Variants in POLE observed in about 807,000 individuals in gnomAD.
POLE encodes the protein DNA polymerase epsilon catalytic subunit A.
A neutral mutation model predicts 279.2 loss-of-function variants in POLE; 188 were observed. The observed-to-expected ratio is 0.67, with a 90% CI of 0.60 to 0.76. The LOEUF is 0.76. Ranked by LOEUF, POLE falls within the 30% of genes least tolerant of loss-of-function variation. POLE has a pLI of 0.00. For missense variants in POLE, 2,703 were observed against 3,016.7 expected (o/e 0.90, Z 2.44); for synonymous variants, 1,214 against 1,172.5 (o/e 1.04, Z -0.72).
Position 132,654,939 on chromosome 12 carries a change from T to C in POLE, c.3582+2197A>G, listed in dbSNP as rs545029166. On this transcript the variant is annotated intron_variant, in intron 29 of 48. Transcript: ENST00000320574. Reference sequence around the variant, plus strand: ...TGGGTTCTCCCTGTGTTGCCCAGGCTGGGGTGAAGTGCCTATTCACAGGTG... The same window carrying C: ...TGGGTTCTCCCTGTGTTGCCCAGGCCGGGGTGAAGTGCCTATTCACAGGTG... 5.3e-5 allele frequency among the ~76,000 whole-genome samples: 8 copies of C among 152,346 alleles called. No homozygotes were observed. In the East Asian group the frequency reaches 1.5e-3, roughly 29 times the overall value.
At chr12:132,672,157 T>C in intron 16 of POLE, 58 bp downstream of exon 16, 7 of 1,154,684 alleles carry the variant, frequency 6.1e-6, no homozygotes, top group Non-Finnish European at 7.9e-6. Context: ...CTGAAAGACG[T>C]GGTCTGTGAA....
intron 40 of POLE, chr12:132,638,354 T>G: frequency 2.8e-6 from 1 of 358,234 alleles, no homozygotes; most frequent in Admixed American, 4.5e-5. Flanking sequence ...CAGGAAAAAA[T>G]TAGCAAATTC....
At chr12:132,627,617 ATACTG>A (rs1481056317) in intron 45 of POLE, among the ~76,000 whole-genome samples, 1 of 152,250 alleles carries the variant, frequency 6.6e-6, no homozygotes, top group Non-Finnish European at 1.5e-5. Context: ...GGTTTACCCT[ATACTG>A]TAGTCTATTA....
At chr12:132,644,224 T>C (rs2042223759) in intron 32 of POLE, among the ~76,000 whole-genome samples, 1 of 151,982 alleles carries the variant, frequency 6.6e-6, no homozygotes, top group South Asian at 2.1e-4. Context: ...TGCAGCAGTG[T>C]GATCACAGCT....
chr12:132,664,882 T>G lies in POLE; in HGVS notation c.2468+420A>C, dbSNP rs1438274451. Among the ~76,000 whole-genome samples the G allele has an allele frequency of 2.0e-5, 3 of 151,812 alleles. No homozygotes were observed. The highest frequency in any genetic ancestry group is 2.9e-5 in the Non-Finnish European group (2 of 67,950). ...CCTGGGTCCCAGCCCTGCTGTCAGC[T>G]GTCCCACCCTCCCCTCCCGGCACCA... On this transcript the variant is annotated intron_variant, in intron 21 of 48. Transcript: ENST00000320574. The surrounding 1 kb of genome is among the most constrained non-coding windows in gnomAD (Gnocchi z 5.3).
intron 32 of POLE, among the ~76,000 whole-genome samples, chr12:132,644,662 A>T (rs1314741139): frequency 1.3e-5 from 2 of 151,678 alleles, no homozygotes; most frequent in Non-Finnish European, 2.9e-5. Flanking sequence ...GGGGAGCCAG[A>T]GTGTGTGTGT....
rs1555231426 is a variant in POLE at position 132,687,286 on chromosome 12, G to GCGCCGCCGCC, written c.20_29dup (p.Asp12AlafsTer15). 6.7e-7 allele frequency: 1 copy of GCGCCGCCGCC among 1,502,644 alleles called. No individual in the cohort carries two copies. 93.1% of individuals were successfully genotyped at this position (1,502,644 alleles called of 1,614,324 possible). A position where few individuals can be genotyped will look rare whatever the true frequency, so the allele number is the denominator to read the frequency against. ...CCTCGCCATCCGCGCCTGGGTCCGC[G>GCGCCGCCGCC]CGCCGCCGCCCGCCGCTCCTCAGAG... On this transcript the variant is annotated frameshift_variant, in exon 1 of 49. Coordinates refer to ENST00000320574, the MANE Select transcript of POLE (RefSeq NM_006231.4). LOFTEE classifies it high-confidence loss of function.
In POLE at chr12:132,643,510, G is replaced by A. The variant is rs878854870; in HGVS notation, c.4341C>T (p.Val1447=). The A allele has an allele frequency of 1.9e-6, 3 of 1,614,154 alleles. No individual in the cohort carries two copies. Among genetic ancestry groups the A allele is most frequent in the Non-Finnish European group, 1.7e-6 (2 of 1,180,018 alleles). ...ALVHLGCVCV[V]NKQLVRHLSG... ...AAAGGTGCCTCACCAGCTGTTTATT[G>A]ACCACACACACACAGCCCAGGTGCA... Residue 1447 remains valine (V), a synonymous_variant, in exon 34 of 49, where the codon GTC becomes GTT. Transcript: ENST00000320574.
intron 2 of POLE, 143 bp downstream of exon 2, chr12:132,680,995 A>G: frequency 1.0e-6 from 1 of 963,232 alleles, no homozygotes; most frequent in South Asian, 1.7e-5. Context: ...GTTAAAGAGG[A>G]AAGGAGAGCT....
rs2136012348 is a variant in POLE at position 132,675,836 on chromosome 12, A to T, written c.1021-16T>A. Reference sequence around the variant, plus strand: ...TCAGATGAGCCTGAACCCAAGTCACAGCAGTCAGAGGTCTGCTCTTTCTCT... The same window carrying T: ...TCAGATGAGCCTGAACCCAAGTCACTGCAGTCAGAGGTCTGCTCTTTCTCT... On this transcript the variant is annotated splice_polypyrimidine_tract_variant and intron_variant, in intron 10 of 48. Coordinates refer to ENST00000320574, the MANE Select transcript of POLE (RefSeq NM_006231.4). This position sits in a 1 kb window ranked among gnomAD's most constrained non-coding sequence, Gnocchi z 4.3. 1 of 1,597,900 alleles carries T rather than the reference A, an allele frequency of 6.3e-7. No individual in the cohort carries two copies. Among genetic ancestry groups the T allele is most frequent in the Admixed American group, 1.7e-5 (1 of 59,998 alleles).
chr12:132,624,076 A>C lies in POLE; in HGVS notation c.*621T>G, dbSNP rs1292543418. ...CAGAGGTCTTGTTTTCCTGAGGCTG[A>C]TAGAGGGTTCCCTCTAGACCCGGCT... On this transcript the variant is annotated 3_prime_UTR_variant, in exon 49 of 49. Coordinates refer to ENST00000320574, the MANE Select transcript of POLE (RefSeq NM_006231.4). 9.6e-6 allele frequency: 2 copies of C among 207,818 alleles called. No homozygotes were observed. Among genetic ancestry groups the C allele is most frequent in the Non-Finnish European group, 2.0e-5 (2 of 102,366 alleles). The allele number at this position is 207,818 out of a possible 1,614,324, so 12.9% of individuals were successfully genotyped here. A position where few individuals can be genotyped will look rare whatever the true frequency, so the allele number is the denominator to read the frequency against.
Position 132,624,060 on chromosome 12 carries a change from T to C in POLE, c.*637A>G, listed in dbSNP as rs566586346. ...CCAAAAGTGAGGTGCACAGAGGTCTTGTTTTCCTGAGGCTGATAGAGGGTT... is the reference window on the plus strand; with the variant it reads ...CCAAAAGTGAGGTGCACAGAGGTCTCGTTTTCCTGAGGCTGATAGAGGGTT... On this transcript the variant is annotated 3_prime_UTR_variant, in exon 49 of 49. Transcript: ENST00000320574. 1.9e-5 allele frequency: 4 copies of C among 206,456 alleles called. No individual in the cohort carries two copies. In the East Asian group the frequency reaches 2.9e-4, roughly 15 times the overall value. The allele number at this position is 206,456 out of a possible 1,614,324, so 12.8% of individuals were successfully genotyped here.
chr12:132,652,710 C>G (rs1230349201), intron 29 of POLE, among the ~76,000 whole-genome samples: 1 of 152,182 alleles, frequency 6.6e-6, no homozygotes, highest in Non-Finnish European at 1.5e-5. Context: ...GCAGTCCACT[C>G]TCTCCTTAAC....
intron 16 of POLE, among the ~76,000 whole-genome samples, chr12:132,671,537 C>T (rs751096868): frequency 8.8e-5 from 13 of 148,310 alleles, no homozygotes; most frequent in Non-Finnish European, 1.5e-4. Flanking sequence ...GGTGTGGTGG[C>T]GGATGCCTGT....
At position 132,659,301 on chromosome 12, in the gene POLE, G is replaced by A. The variant is rs1030360914; in HGVS notation, c.3269C>T (p.Thr1090Met). Residue 1090 changes from threonine (T) to methionine (M), a missense_variant, in exon 26 of 49, where the codon ACG becomes ATG. Coordinates refer to ENST00000320574, the MANE Select transcript of POLE (RefSeq NM_006231.4). ...TGATGGGGGGAGCCCTCACCTCTCCGTGACAGGGGAGCCCTCGGGCTTGCG... is the reference window on the plus strand; with the variant it reads ...TGATGGGGGGAGCCCTCACCTCTCCATGACAGGGGAGCCCTCGGGCTTGCG... ...ISRKPEGSPV[T>M]ERAIPLAIFQ... 6 of 1,613,716 alleles carry A rather than the reference G, an allele frequency of 3.7e-6. No individual in the cohort carries two copies. Among genetic ancestry groups the A allele is most frequent in the South Asian group, 1.1e-5 (1 of 91,060 alleles).
rs138548494 is a variant in POLE, at chr12:132,664,072, T to G, written c.2638A>C (p.Thr880Pro). 7 of 1,614,206 alleles carry G rather than the reference T, an allele frequency of 4.3e-6. No homozygotes were observed. In the East Asian group the frequency reaches 1.6e-4, roughly 36 times the overall value. The change falls in exon 23 of 49, where the codon ACG becomes CCG. Residue 880 changes from threonine (T) to proline (P), a missense_variant. By Grantham distance (38) the Thr-to-Pro change is conservative. Transcript: ENST00000320574. This position sits in a 1 kb window ranked among gnomAD's most constrained non-coding sequence, Gnocchi z 5.3. ...NSFPENFVFKTTNVKKPKVTI... is the reference protein window; with the variant it reads ...NSFPENFVFKPTNVKKPKVTI... Reference sequence around the variant, plus strand: ...ACTTTGGGCTTCTTCACATTGGTCGTCTTGAAGACAAAATTTTCTGGGAAG... The same window carrying G: ...ACTTTGGGCTTCTTCACATTGGTCGGCTTGAAGACAAAATTTTCTGGGAAG...
chr12:132,661,408 G>T lies in POLE; in HGVS notation c.2864+119C>A, dbSNP rs2042678184. On this transcript the variant is annotated intron_variant, in intron 24 of 48. Coordinates refer to ENST00000320574, the MANE Select transcript of POLE (RefSeq NM_006231.4). This position sits in a 1 kb window ranked among gnomAD's most constrained non-coding sequence, Gnocchi z 4.1. The stretch of plus-strand genomic sequence containing the variant: ...GAGCTGGTGCAAACGGAATCAGTAA[G>T]ATCACAAGAACCCAGGTCTGTTTCT... 2 of 1,170,596 alleles carry T rather than the reference G, an allele frequency of 1.7e-6. No individual in the cohort carries two copies. The highest frequency in any genetic ancestry group is 2.9e-5 in the South Asian group (2 of 67,806). 72.5% of individuals were successfully genotyped at this position (1,170,596 alleles called of 1,614,324 possible).
In POLE at chr12:132,639,181, A is replaced by G. The variant is rs147543146; in HGVS notation, c.5496T>C (p.Leu1832=). The G allele has an allele frequency of 4.4e-4, 709 of 1,614,112 alleles. 2 individuals carry two copies. Among genetic ancestry groups the G allele is most frequent in the East Asian group, 4.3e-3 (195 of 44,870 alleles). ...GTGTGCGGTGCAGGGCAGGGTCATG[A>G]AGCAGAGAGGATGGCGACCGAAGCC... is the stretch of plus-strand genomic sequence containing the variant. The part of the protein sequence containing the change: ...YRWLRSPSSL[L]HDPALHRTLH... The change falls in exon 40 of 49, where the codon CTT becomes CTC. Residue 1832 remains leucine, a synonymous_variant. Transcript: ENST00000320574. The surrounding 1 kb of genome is among the most constrained non-coding windows in gnomAD (Gnocchi z 4.7).
At chr12:132,626,339 T>G in intron 45 of POLE, 22 bp from the exon 46 acceptor site, 1 of 1,612,280 alleles carries the variant, frequency 6.2e-7, no homozygotes, top group Non-Finnish European at 8.5e-7. Context: ...ACAGCCCACA[T>G]CGGGAAGGAG....
Sources: gnomAD v4.1 joint callset for allele counts (sites outside exome capture counted in the v4.1 genomes callset) on GRCh38, gnomAD v4.1.1 for gene constraint, Gnocchi (gnomAD v3.1) non-coding constraint, MANE v1.5 for transcripts, NCBI Gene and HGNC (gene_info 2026-07-23, HGNC 2026-07-21) for gene names.